F11: variants seen among roughly 807,000 people sequenced by gnomAD.
F11 encodes the protein coagulation factor XI.
A neutral mutation model predicts 76.5 loss-of-function variants in F11; 78 were observed. The observed-to-expected ratio is 1.02, with a 90% CI of 0.85 to 1.23. F11 has a LOEUF of 1.23. F11 is among the 50% of genes most tolerant of loss of function. The pLI is 0.00. For missense variants in F11, 742 were observed against 771.4 expected, an observed-to-expected ratio of 0.96 and a Z score of 0.45; for synonymous variants, 278 against 276.3, an observed-to-expected ratio of 1.01 and a Z score of -0.06.
rs1255868257 is a variant in F11, at chr4:186,289,320, T to C, written c.*706T>C. On this transcript the variant is annotated 3_prime_UTR_variant, in exon 15 of 15. Transcript: ENST00000403665. ...TTCCTGAAAAATGATTTGTGATGGA[T>C]TGTATATTTATTTAAAATATCTTGG... Among the ~76,000 whole-genome samples the C allele has an allele frequency of 6.6e-6, 1 of 152,188 alleles. No individual in the cohort carries two copies. Among genetic ancestry groups the C allele is most frequent in the East Asian group, 1.9e-4 (1 of 5,192 alleles).
chr4:186,288,854 A>C lies in F11; in HGVS notation c.*240A>C. On this transcript the variant is annotated 3_prime_UTR_variant, in exon 15 of 15. Coordinates refer to ENST00000403665, the MANE Select transcript of F11 (RefSeq NM_000128.4). Reference sequence around the variant, plus strand: ...TTTGTTTTTGATCACGCTTCTATGGAGTCCAAGAATTACCATAAGGCAATA... The same window carrying C: ...TTTGTTTTTGATCACGCTTCTATGGCGTCCAAGAATTACCATAAGGCAATA... The C allele has an allele frequency of 4.0e-6, 2 of 501,646 alleles. No individual in the cohort carries two copies. Among genetic ancestry groups the C allele is most frequent in the South Asian group, 4.1e-5 (2 of 48,894 alleles). 31.1% of individuals were successfully genotyped at this position (501,646 alleles called of 1,614,324 possible). A position where few individuals can be genotyped will look rare whatever the true frequency, so the allele number is the denominator to read the frequency against.
At chr4:186,284,040 C>T (rs1311140995) in intron 10 of F11, 52 bp from the exon 11 acceptor site, 8 of 1,613,430 alleles carry the variant, frequency 5.0e-6, no homozygotes, top group South Asian at 1.1e-5. Flanking sequence ...AGCATAATTA[C>T]TGATGGAAAG....
chr4:186,268,490 C>T (rs900806294), intron 2 of F11, among the ~76,000 whole-genome samples: 5 of 152,066 alleles, frequency 3.3e-5, no homozygotes, highest in Admixed American at 2.0e-4. Flanking sequence ...CAAGGCTCAA[C>T]AAATTTTAAG....
chr4:186,276,014 T>G, intron 6 of F11, 118 bp downstream of exon 6: 3 of 968,876 alleles, frequency 3.1e-6, no homozygotes, highest in Non-Finnish European at 4.8e-6. Context: ...GATCTTTACC[T>G]TCTTCATGTG....
intron 2 of F11, among the ~76,000 whole-genome samples, chr4:186,270,853 C>T (rs1340485369): frequency 1.4e-5 from 2 of 142,080 alleles, no homozygotes; most frequent in South Asian, 4.5e-4. Flanking sequence ...ACAACCATGC[C>T]CAGCTAGTAT....
At chr4:186,285,276 G>A (rs1193807993) in intron 11 of F11, among the ~76,000 whole-genome samples, 2 of 152,044 alleles carry the variant, frequency 1.3e-5, no homozygotes, top group African/African-American at 4.8e-5. Flanking sequence ...CCTAGTTTCT[G>A]TCACAGCTAG....
downstream of F11, among the ~76,000 whole-genome samples, chr4:186,289,682 A>AT (rs11444909): frequency 0.02 from 2,707 of 137,720 alleles, 29 homozygotes; most frequent in Non-Finnish European, 0.026. Flanking sequence ...ATCAAGTGTG[A>AT]TTTTTTTTTT....
At chr4:186,279,165 C>T (rs375150836) in intron 7 of F11, among the ~76,000 whole-genome samples, 46 of 152,080 alleles carry the variant, frequency 3.0e-4, no homozygotes, top group African/African-American at 1.1e-3. Flanking sequence ...CGGTGAATCA[C>T]GAGGTCAGGA....
At position 186,280,308 on chromosome 4, in the gene F11, C is replaced by T; in HGVS notation, c.951C>T (p.Cys317=). The T allele has an allele frequency of 6.2e-7, 1 of 1,614,176 alleles. No individual in the cohort carries two copies. Among genetic ancestry groups the T allele is most frequent in the Non-Finnish European group, 8.5e-7 (1 of 1,180,046 alleles). The part of the protein sequence containing the change: ...DIVAAKSHEA[C]QKLCTNAVRC... Reference sequence around the variant, plus strand: ...TTGCTGCAAAAAGTCACGAGGCCTGCCAGAAACTGTGCACCAATGCCGTCC... The same window carrying T: ...TTGCTGCAAAAAGTCACGAGGCCTGTCAGAAACTGTGCACCAATGCCGTCC... Residue 317 remains cysteine (C), a synonymous_variant, in exon 9 of 15, where the codon TGC becomes TGT. Coordinates refer to ENST00000403665, the MANE Select transcript of F11 (RefSeq NM_000128.4).
At chr4:186,268,536 C>T (rs558873216) in intron 2 of F11, among the ~76,000 whole-genome samples, 1 of 151,866 alleles carries the variant, frequency 6.6e-6, no homozygotes, top group South Asian at 2.1e-4. Flanking sequence ...ATTCAATCAC[C>T]GTGAATGGGA....
intron 1 of F11, 95 bp from the exon 2 acceptor site, chr4:186,267,041 C>A: frequency 1.2e-6 from 1 of 803,516 alleles, no homozygotes. Context: ...TAACTACTCC[C>A]CTCTCTCCCT....
Position 186,288,593 on chromosome 4 carries a change from G to T in F11, c.1857G>T (p.Leu619=). 1 of 1,614,134 alleles carries T rather than the reference G, an allele frequency of 6.2e-7. No homozygotes were observed. Among genetic ancestry groups the T allele is most frequent in the Non-Finnish European group, 8.5e-7 (1 of 1,180,026 alleles). The change falls in exon 15 of 15, where the codon CTG becomes CTT. Residue 619 remains leucine, a synonymous_variant. Transcript: ENST00000403665. The part of the protein sequence containing the change: ...TNVVEYVDWI[L]EKTQAV The stretch of plus-strand genomic sequence containing the variant: ...TGGTCGAGTACGTGGACTGGATTCT[G>T]GAGAAAACTCAAGCAGTGTGAATGG...
At chr4:186,271,159 T>C (rs193291822) in intron 2 of F11, among the ~76,000 whole-genome samples, 2 of 152,264 alleles carry the variant, frequency 1.3e-5, no homozygotes, top group African/African-American at 2.4e-5. Flanking sequence ...ATGTGTGTTA[T>C]CACACCCCCG....
At chr4:186,279,929 T>C (rs983169947) in intron 7 of F11, 83 bp from the exon 8 acceptor site, 1 of 1,031,728 alleles carries the variant, frequency 9.7e-7, no homozygotes, top group African/African-American at 1.6e-5. Context: ...TAGCATGAGC[T>C]GACTTTACTT....
rs1175680489 is a variant in F11, at chr4:186,280,402, G to T, written c.1028+17G>T. ...CGAAGGGAAGTAAGCCATATGAAGGGTTATGCAGACACCCTTGTCCCGTCT... is the reference window on the plus strand; with the variant it reads ...CGAAGGGAAGTAAGCCATATGAAGGTTTATGCAGACACCCTTGTCCCGTCT... On this transcript the variant is annotated intron_variant, in intron 9 of 14. Coordinates refer to ENST00000403665, the MANE Select transcript of F11 (RefSeq NM_000128.4). 6.2e-7 allele frequency: 1 copy of T among 1,614,192 alleles called. No individual in the cohort carries two copies. Among genetic ancestry groups the T allele is most frequent in the Admixed American group, 1.7e-5 (1 of 60,022 alleles).
At chr4:186,271,864 A>T (rs772677441) in intron 3 of F11, 93 bp downstream of exon 3, 19 of 1,342,786 alleles carry the variant, frequency 1.4e-5, no homozygotes, top group Non-Finnish European at 1.9e-5. Context: ...ATAAAATTTA[A>T]CATTAACAAC....
intron 10 of F11, chr4:186,282,129 T>G: frequency 1.7e-6 from 2 of 1,151,316 alleles, no homozygotes; most frequent in Non-Finnish European, 2.2e-6. Flanking sequence ...ATGTTGCTGT[T>G]AAGTAATGTT....
At chr4:186,270,453 T>C (rs1463003102) in intron 2 of F11, among the ~76,000 whole-genome samples, 1 of 152,158 alleles carries the variant, frequency 6.6e-6, no homozygotes, top group Non-Finnish European at 1.5e-5. Flanking sequence ...TACATACATA[T>C]ATTATGCGGC....
At position 186,285,821 on chromosome 4, in the gene F11, G is replaced by A. The variant is rs1405469718; in HGVS notation, c.1480+8G>A. ...CCACAGTGAATTACACAGGTACGGA[G>A]AATTTTATCCGGAAAGTTGTCTCCA... On this transcript the variant is annotated splice_region_variant and intron_variant, in intron 12 of 14. Coordinates refer to ENST00000403665, the MANE Select transcript of F11 (RefSeq NM_000128.4). 5 of 1,613,988 alleles carry A rather than the reference G, an allele frequency of 3.1e-6. No individual in the cohort carries two copies. In the East Asian group the frequency reaches 6.7e-5, roughly 22 times the overall value.
Sources: allele counts gnomAD v4.1 joint callset (sites outside exome capture counted in the v4.1 genomes callset), GRCh38; gene constraint gnomAD v4.1.1; transcripts MANE v1.5; gene names NCBI Gene and HGNC (gene_info 2026-07-23, HGNC 2026-07-21).